Variants in RIN2 observed in about 807,000 individuals in gnomAD.
The protein encoded by RIN2 is Ras and Rab interactor 2, also known as RAB5 interacting protein 2.
Under a neutral mutation model 78.0 loss-of-function variants are expected in RIN2, and 36 were observed. That is an observed-to-expected ratio of 0.46 (90% CI 0.35 to 0.61). The LOEUF (loss-of-function observed/expected upper bound fraction) is 0.61, where lower values mean the gene tolerates loss of function less well. Ranked by LOEUF, RIN2 falls within the 20% of genes least tolerant of loss-of-function variation. The pLI, the probability that RIN2 is intolerant of heterozygous loss-of-function variation, is 0.00. For synonymous variants in RIN2, 466 were observed against 466.8 expected (o/e 1.00, Z 0.02); for missense variants, 1,087 against 1,159.7 (o/e 0.94, Z 0.91).
chr20:19,930,178 C>T lies in RIN2; in HGVS notation c.58-4921C>T, dbSNP rs1399803369. On this transcript the variant is annotated intron_variant, in intron 3 of 12. Coordinates refer to ENST00000255006, the MANE Select transcript of RIN2 (RefSeq NM_018993.4). ...ACAGCGATCCAGCCAAGTGCAACCT[C>T]TGTGCTTGTCCACCCTCGTGCCTTG... Among the ~76,000 whole-genome samples, 4 of 152,202 alleles carry T rather than the reference C, an allele frequency of 2.6e-5. No homozygotes were observed. The South Asian group carries it at 8.3e-4, about 32-fold the overall frequency.
At chr20:19,957,275 G>C (rs2041582376) in intron 5 of RIN2, among the ~76,000 whole-genome samples, 1 of 152,168 alleles carries the variant, frequency 6.6e-6, no homozygotes, top group South Asian at 2.1e-4. Context: ...TCTTTTCCCT[G>C]GGCTTTCCAC....
intron 2 of RIN2, among the ~76,000 whole-genome samples, chr20:19,804,267 T>C (rs2035335298): frequency 6.6e-6 from 1 of 152,194 alleles, no homozygotes; most frequent in Non-Finnish European, 1.5e-5. Flanking sequence ...GGCATCCTTA[T>C]CTTGTGCTAG....
chr20:19,788,588 C>G (rs1600457883), intron 1 of RIN2, among the ~76,000 whole-genome samples: 1 of 138,780 alleles, frequency 7.2e-6, no homozygotes, highest in Admixed American at 7.2e-5. Context: ...GGCAACAAAG[C>G]AAGACTTTGT....
upstream of RIN2, chr20:19,758,147 G>C (rs2033450617): frequency 6.6e-6 from 1 of 152,342 alleles, no homozygotes; most frequent in East Asian, 1.9e-4. Context: ...CAAACACAAA[G>C]CCCTTCCCTC....
chr20:19,805,198 G>A (rs952186071), intron 2 of RIN2, among the ~76,000 whole-genome samples: 5 of 152,120 alleles, frequency 3.3e-5, no homozygotes, highest in South Asian at 4.1e-4. Flanking sequence ...ATTTATATGG[G>A]CAGGGATGCC....
At chr20:19,829,972 A>G (rs2036203756) in intron 2 of RIN2, among the ~76,000 whole-genome samples, 1 of 152,208 alleles carries the variant, frequency 6.6e-6, no homozygotes, top group Non-Finnish European at 1.5e-5. Context: ...CCCAGCAGCA[A>G]GGAGGCCAGA....
chr20:19,784,703 G>A (rs993210183), intron 1 of RIN2, among the ~76,000 whole-genome samples: 1 of 152,124 alleles, frequency 6.6e-6, no homozygotes, highest in Non-Finnish European at 1.5e-5. Flanking sequence ...AGGCTCCGGA[G>A]CCCGCCCCTG....
chr20:19,910,140 T>A (rs1353673223), intron 3 of RIN2, among the ~76,000 whole-genome samples: 1 of 152,182 alleles, frequency 6.6e-6, no homozygotes, highest in Non-Finnish European at 1.5e-5. Flanking sequence ...TTTAATCTTG[T>A]GTACATTAAT....
At chr20:19,933,375 C>T (rs1231611016) in intron 3 of RIN2, among the ~76,000 whole-genome samples, 1 of 152,186 alleles carries the variant, frequency 6.6e-6, no homozygotes, top group Non-Finnish European at 1.5e-5. Flanking sequence ...TTGATCTTTT[C>T]ATGGCATTCT....
chr20:19,863,029 G>A (rs2037394710), intron 2 of RIN2, among the ~76,000 whole-genome samples: 1 of 152,056 alleles, frequency 6.6e-6, no homozygotes, highest in African/African-American at 2.4e-5. Context: ...GCCTACCCTT[G>A]TCCTCTCAAC....
intron 3 of RIN2, among the ~76,000 whole-genome samples, chr20:19,923,572 G>A (rs148075316): frequency 8.0e-4 from 122 of 152,094 alleles, no homozygotes; most frequent in African/African-American, 2.8e-3. Flanking sequence ...GAGCCCAGGA[G>A]TTTGAGACCA....
At chr20:19,966,295 ACT>A (rs1438202381) in intron 7 of RIN2, among the ~76,000 whole-genome samples, 2 of 149,414 alleles carry the variant, frequency 1.3e-5, no homozygotes, top group Non-Finnish European at 3.0e-5. Context: ...TGTTGACTAG[ACT>A]CTGCCAGAGG....
chr20:19,837,028 T>A (rs1456279527), intron 2 of RIN2, among the ~76,000 whole-genome samples: 2 of 150,136 alleles, frequency 1.3e-5, no homozygotes, highest in African/African-American at 5.0e-5. Context: ...TGCAGACACC[T>A]CCCCTAAAGC....
At chr20:19,798,089 G>A (rs2122687421) in intron 1 of RIN2, among the ~76,000 whole-genome samples, 1 of 151,706 alleles carries the variant, frequency 6.6e-6, no homozygotes, top group East Asian at 1.9e-4. Context: ...CTGACCTCGT[G>A]ATCTGCCTGC....
chr20:19,937,411 C>T (rs1478782751), intron 4 of RIN2, among the ~76,000 whole-genome samples: 1 of 152,194 alleles, frequency 6.6e-6, no homozygotes, highest in Non-Finnish European at 1.5e-5. Flanking sequence ...CGTCAGCTTC[C>T]TCTGCAGCTT....
intron 4 of RIN2, among the ~76,000 whole-genome samples, chr20:19,937,515 A>G (rs2040696783): frequency 6.6e-6 from 1 of 152,220 alleles, no homozygotes; most frequent in Non-Finnish European, 1.5e-5. Context: ...GGAATACCAG[A>G]TTAAGCACCA....
At chr20:19,890,925 G>A (rs951893286) in intron 3 of RIN2, among the ~76,000 whole-genome samples, 2 of 152,224 alleles carry the variant, frequency 1.3e-5, no homozygotes, top group African/African-American at 2.4e-5. Context: ...TGGGACTGGT[G>A]GATACAGCAA....
At chr20:19,844,697 C>CTT (rs1485998106) in intron 2 of RIN2, among the ~76,000 whole-genome samples, 1,259 of 10,400 alleles carry the variant, frequency 0.12, 90 homozygotes, top group African/African-American at 0.24. Flanking sequence ...TCTTCCTCTT[C>CTT]CTCTTCTTCT....
intron 3 of RIN2, among the ~76,000 whole-genome samples, chr20:19,890,564 C>G (rs112532937): frequency 1.4e-5 from 2 of 148,048 alleles, no homozygotes; most frequent in Admixed American, 1.4e-4. Flanking sequence ...GGACAAGTGA[C>G]TATGTTTAAC....
Sources: allele counts gnomAD v4.1 joint callset (sites outside exome capture counted in the v4.1 genomes callset), GRCh38; gene constraint gnomAD v4.1.1; transcripts MANE v1.5; gene names NCBI Gene and HGNC (gene_info 2026-07-23, HGNC 2026-07-21).